The following TENM3 variants were observed in gnomAD, a reference collection of about 807,000 sequenced individuals.
The protein encoded by TENM3 is teneurin-3.
TENM3 carries 63 observed loss-of-function variants against 255.1 expected under a neutral mutation model. The ratio of observed to expected loss-of-function variants is 0.25; its 90% CI spans 0.20 to 0.30. The LOEUF (loss-of-function observed/expected upper bound fraction) is 0.30. Ranked by LOEUF, TENM3 falls within the 10% of genes least tolerant of loss-of-function variation. The pLI, the probability that TENM3 is intolerant of heterozygous loss-of-function variation, is 1.00. For synonymous variants in TENM3, 1,306 were observed against 1,322.3 expected (o/e 0.99, Z 0.27); for missense variants, 2,929 against 3,461.1 (o/e 0.85, Z 3.86).
chr4:181,596,022 A>G, the TENM3 span, among the ~76,000 whole-genome samples: 113 of 152,184 alleles, frequency 7.4e-4, 1 homozygote, highest in Non-Finnish European at 1.3e-3. Flanking sequence ...TACGACTTTT[A>G]TTATCACTCC....
intron 22 of TENM3, among the ~76,000 whole-genome samples, chr4:182,761,068 T>G (rs9998560): frequency 0.14 from 21,587 of 152,156 alleles, 3,046 homozygotes; most frequent in African/African-American, 0.37. Flanking sequence ...TGCAGTGCCA[T>G]GCTGTGTTCT....
chr4:182,799,688 G>A lies in TENM3; in HGVS notation c.7437G>A (p.Arg2479=). The change falls in exon 28 of 28, where the codon CGG becomes CGA. Residue 2479 remains arginine (R), a synonymous_variant. Transcript: ENST00000511685. The surrounding 1 kb of genome is among the most constrained non-coding windows in gnomAD (Gnocchi z 4.2). ...CCGAGGTGCAGGTGAGCCGGCGCCG[G>A]GCCGGCGGCGCGCAGTCCTGGCTGT... ...KMAEVQVSRR[R]AGGAQSWLWF... 1 of 1,549,276 alleles carries A rather than the reference G, an allele frequency of 6.5e-7. No individual in the cohort carries two copies. The highest frequency in any genetic ancestry group is 8.7e-7 in the Non-Finnish European group (1 of 1,146,520).
chr4:182,428,977 G>A (rs988647655), intron 3 of TENM3, among the ~76,000 whole-genome samples: 2 of 152,106 alleles, frequency 1.3e-5, no homozygotes, highest in Non-Finnish European at 2.9e-5. Flanking sequence ...AGGGGGAAAG[G>A]TCCAGTATTT....
the TENM3 span, among the ~76,000 whole-genome samples, chr4:182,054,036 C>T: frequency 6.6e-6 from 1 of 152,174 alleles, no homozygotes; most frequent in South Asian, 2.1e-4. Context: ...CAAAAACTCT[C>T]CCTTACCTAA....
At chr4:181,909,830 C>CA in the TENM3 span, among the ~76,000 whole-genome samples, 1 of 152,194 alleles carries the variant, frequency 6.6e-6, no homozygotes, top group Non-Finnish European at 1.5e-5. Context: ...ACAAGCAGCA[C>CA]ATCTTCCAGA....
chr4:181,561,916 G>A, the TENM3 span, among the ~76,000 whole-genome samples: 3 of 152,284 alleles, frequency 2.0e-5, no homozygotes, highest in Middle Eastern at 3.4e-3. Flanking sequence ...CTCGCAGGAT[G>A]GGAGAATATA....
At chr4:181,582,725 T>C in the TENM3 span, among the ~76,000 whole-genome samples, 7 of 146,026 alleles carry the variant, frequency 4.8e-5, no homozygotes, top group African/African-American at 1.8e-4. Context: ...TTGCGGTTAG[T>C]GAGAAAGAAA....
the TENM3 span, among the ~76,000 whole-genome samples, chr4:181,695,251 C>A: frequency 6.6e-6 from 1 of 152,102 alleles, no homozygotes; most frequent in East Asian, 1.9e-4. Flanking sequence ...CTAAAGATGG[C>A]CTCTCTGTCC....
chr4:181,820,492 C>T, the TENM3 span, among the ~76,000 whole-genome samples: 1 of 151,150 alleles, frequency 6.6e-6, no homozygotes, highest in African/African-American at 2.4e-5. Flanking sequence ...TTTAAACACA[C>T]ACACACACAC....
At chr4:182,404,462 T>G (rs1408969239) in intron 3 of TENM3, among the ~76,000 whole-genome samples, 2 of 152,230 alleles carry the variant, frequency 1.3e-5, no homozygotes, top group East Asian at 3.9e-4. Context: ...TGCCAGAATT[T>G]GAAGAGAATA....
At chr4:181,502,813 G>A in the TENM3 span, among the ~76,000 whole-genome samples, 1 of 152,176 alleles carries the variant, frequency 6.6e-6, no homozygotes, top group Non-Finnish European at 1.5e-5. Context: ...CCTCAGGCCA[G>A]CGTCAGGTAG....
At chr4:182,064,186 A>G in the TENM3 span, among the ~76,000 whole-genome samples, 1 of 110,508 alleles carries the variant, frequency 9.0e-6, no homozygotes, top group Non-Finnish European at 1.9e-5. Context: ...ATTACCGATT[A>G]AAAAAAAAAA....
intron 3 of TENM3, among the ~76,000 whole-genome samples, chr4:182,363,647 T>G (rs1238967829): frequency 6.6e-6 from 1 of 152,060 alleles, no homozygotes; most frequent in Non-Finnish European, 1.5e-5. Context: ...AAGGTAACCA[T>G]AAAACCTACT....
intron 3 of TENM3, among the ~76,000 whole-genome samples, chr4:182,506,999 A>G (rs1304887936): frequency 6.6e-6 from 1 of 152,200 alleles, no homozygotes; most frequent in Non-Finnish European, 1.5e-5. Flanking sequence ...CATATTCATG[A>G]TCCGTGAAGC....
At chr4:182,790,144 A>G (rs995748011) in intron 25 of TENM3, among the ~76,000 whole-genome samples, 14 of 152,174 alleles carry the variant, frequency 9.2e-5, no homozygotes, top group African/African-American at 3.1e-4. Context: ...ACCGAAAAGC[A>G]TATTCATGGA....
chr4:181,465,603 C>A, the TENM3 span, among the ~76,000 whole-genome samples: 1 of 152,140 alleles, frequency 6.6e-6, no homozygotes, highest in Non-Finnish European at 1.5e-5. Flanking sequence ...TAGCGGAATT[C>A]TAGAGCCCAT....
At chr4:181,896,183 G>A in the TENM3 span, among the ~76,000 whole-genome samples, 2 of 152,308 alleles carry the variant, frequency 1.3e-5, no homozygotes, top group East Asian at 3.9e-4. Context: ...GGGACAGTGG[G>A]TGAGTGATTT....
At chr4:181,905,061 C>CA in the TENM3 span, among the ~76,000 whole-genome samples, 1 of 151,996 alleles carries the variant, frequency 6.6e-6, no homozygotes, top group Admixed American at 6.6e-5. Context: ...TCAAATAAGT[C>CA]AAAAAAGTCA....
intron 3 of TENM3, among the ~76,000 whole-genome samples, chr4:182,458,998 C>T (rs1270482027): frequency 6.6e-6 from 1 of 152,082 alleles, no homozygotes; most frequent in Non-Finnish European, 1.5e-5. Context: ...TACCATTCAC[C>T]AAACTTTTTT....
Sources: gnomAD v4.1 joint callset for allele counts (sites outside exome capture counted in the v4.1 genomes callset) on GRCh38, gnomAD v4.1.1 for gene constraint, Gnocchi (gnomAD v3.1) non-coding constraint, MANE v1.5 for transcripts, NCBI Gene and HGNC (gene_info 2026-07-23, HGNC 2026-07-21) for gene names.